Variants in CPNE4 observed in about 807,000 individuals in gnomAD.
CPNE4 encodes the protein copine 4, also known as copine-4.
CPNE4 carries 25 observed loss-of-function variants against 67.9 expected under a neutral mutation model. The ratio of observed to expected loss-of-function variants is 0.37; its 90% CI spans 0.27 to 0.51. The LOEUF is 0.51. CPNE4 is among the 20% of genes least tolerant of loss of function. The probability of loss-of-function intolerance (pLI) is 0.93; values close to 1 mark genes in which losing one functional copy is unlikely to be tolerated. For synonymous variants in CPNE4, 242 were observed against 244.9 expected, an observed-to-expected ratio of 0.99 and a Z score of 0.11; for missense variants, 464 against 690.8, an observed-to-expected ratio of 0.67 and a Z score of 3.68.
chr3:131,566,460 G>A (rs1326908520), intron 10 of CPNE4, among the ~76,000 whole-genome samples: 8 of 151,708 alleles, frequency 5.3e-5, no homozygotes, highest in Non-Finnish European at 8.8e-5. Context: ...GACCATAGGT[G>A]AGGCCCTTTT....
upstream of CPNE4, chr3:132,035,023 T>G: frequency 1.0e-6 from 1 of 985,364 alleles, no homozygotes. Context: ...ACGAATCCCA[T>G]GCACCCAGCA....
At chr3:131,770,499 G>C (rs9844762) in intron 2 of CPNE4, among the ~76,000 whole-genome samples, 30,256 of 152,236 alleles carry the variant, frequency 0.2, 3,684 homozygotes, top group Non-Finnish European at 0.26. Flanking sequence ...TCTCATCAGA[G>C]ATAGGTGGAG....
intron 2 of CPNE4, among the ~76,000 whole-genome samples, chr3:131,768,336 A>G (rs1384685338): frequency 6.6e-6 from 1 of 152,288 alleles, no homozygotes; most frequent in South Asian, 2.1e-4. Flanking sequence ...TGCATACAGC[A>G]GAGACTTGAA....
intron 1 of CPNE4, among the ~76,000 whole-genome samples, chr3:131,970,544 T>C (rs1051728887): frequency 3.9e-5 from 6 of 152,208 alleles, no homozygotes; most frequent in African/African-American, 7.2e-5. Flanking sequence ...AAGAAGCATA[T>C]AATTTATATA....
intron 3 of CPNE4, among the ~76,000 whole-genome samples, chr3:131,719,859 A>G (rs997103248): frequency 6.6e-6 from 1 of 152,236 alleles, no homozygotes; most frequent in Admixed American, 6.5e-5. Context: ...GTTTTAGGCT[A>G]GGAAACCTTT....
intron 7 of CPNE4, among the ~76,000 whole-genome samples, chr3:131,643,136 G>A (rs549002852): frequency 7.2e-5 from 11 of 152,324 alleles, no homozygotes; most frequent in South Asian, 4.1e-4. Context: ...GGTCTCTGAC[G>A]GAGATGAGGA....
chr3:131,638,261 A>C (rs78373540), intron 7 of CPNE4, among the ~76,000 whole-genome samples: 23,210 of 152,002 alleles, frequency 0.15, 3,814 homozygotes, highest in African/African-American at 0.41. Context: ...AATGGATAAG[A>C]ATTCACCAAC....
intron 2 of CPNE4, among the ~76,000 whole-genome samples, chr3:131,734,659 C>T (rs527838038): frequency 6.6e-6 from 1 of 152,072 alleles, no homozygotes; most frequent in East Asian, 1.9e-4. Flanking sequence ...GCCGAGGCAG[C>T]CAGATCCCTT....
intron 1 of CPNE4, among the ~76,000 whole-genome samples, chr3:131,977,170 G>A (rs958622743): frequency 2.0e-5 from 3 of 152,076 alleles, no homozygotes; most frequent in African/African-American, 2.4e-5. Context: ...TCTTTGTAAA[G>A]ATGAAAATCA....
chr3:132,000,337 A>G (rs1260042398), intron 1 of CPNE4, among the ~76,000 whole-genome samples: 2 of 152,010 alleles, frequency 1.3e-5, no homozygotes, highest in African/African-American at 4.8e-5. Context: ...CTTAACAAGT[A>G]CTTACTATGT....
chr3:131,931,423 C>A (rs2071057131), intron 1 of CPNE4, among the ~76,000 whole-genome samples: 1 of 152,110 alleles, frequency 6.6e-6, no homozygotes, highest in Non-Finnish European at 1.5e-5. Context: ...CATAAGAGAA[C>A]AACATTCATA....
chr3:131,903,883 G>T (rs9869417), intron 2 of CPNE4, among the ~76,000 whole-genome samples: 31,054 of 151,964 alleles, frequency 0.2, 3,859 homozygotes, highest in Non-Finnish European at 0.27. Context: ...GAAACATCTC[G>T]CCAAGTGTAG....
At chr3:131,726,726 C>CGG (rs373850517) in intron 2 of CPNE4, among the ~76,000 whole-genome samples, 6 of 31,102 alleles carry the variant, frequency 1.9e-4, no homozygotes, top group African/African-American at 4.8e-4. Context: ...CTGGGGGGGG[C>CGG]GGGGGGGCTT....
intron 7 of CPNE4, among the ~76,000 whole-genome samples, chr3:131,636,109 A>C (rs1476007695): frequency 4.0e-5 from 6 of 150,628 alleles, no homozygotes; most frequent in Non-Finnish European, 8.8e-5. Context: ...CTACTGCAGG[A>C]ACATACCAGT....
chr3:131,634,611 A>G (rs1560020838), intron 7 of CPNE4, among the ~76,000 whole-genome samples: 1 of 152,184 alleles, frequency 6.6e-6, no homozygotes, highest in Non-Finnish European at 1.5e-5. Flanking sequence ...AAATATAATT[A>G]CTTCCACCTT....
intron 2 of CPNE4, among the ~76,000 whole-genome samples, chr3:131,815,983 A>G (rs989446230): frequency 6.6e-6 from 1 of 152,186 alleles, no homozygotes; most frequent in Non-Finnish European, 1.5e-5. Context: ...CCTTGCTTTA[A>G]AGTTGAATTA....
rs1467581587 is a variant in CPNE4, at chr3:131,961,170, A to C, written c.-1-55726T>G. Among the ~76,000 whole-genome samples the C allele has an allele frequency of 2.0e-5, 3 of 152,246 alleles. No individual in the cohort carries two copies. In the East Asian group the frequency reaches 5.8e-4, roughly 29 times the overall value. On this transcript the variant is annotated intron_variant, in intron 1 of 15. Transcript: ENST00000429747. ...ACATACTTTTGTAGAGAAAGTTAAA[A>C]AGAAGAAGAAACAGAAAACAATTTT...
chr3:131,639,089 C>A (rs1211365883), intron 7 of CPNE4, among the ~76,000 whole-genome samples: 1 of 151,996 alleles, frequency 6.6e-6, no homozygotes, highest in Admixed American at 6.6e-5. Context: ...AAGCTAAGGT[C>A]ACATCACATG....
At chr3:131,794,364 C>T (rs2083862820) in intron 2 of CPNE4, among the ~76,000 whole-genome samples, 1 of 152,070 alleles carries the variant, frequency 6.6e-6, no homozygotes, top group African/African-American at 2.4e-5. Context: ...CCTGCCTCAG[C>T]CTCCTGAGTA....
Sources: allele counts gnomAD v4.1 joint callset (sites outside exome capture counted in the v4.1 genomes callset), GRCh38; gene constraint gnomAD v4.1.1; transcripts MANE v1.5; gene names NCBI Gene and HGNC (gene_info 2026-07-23, HGNC 2026-07-21).